The following GRM7 variants were observed in gnomAD, a reference collection of about 807,000 sequenced individuals.
The protein encoded by GRM7 is metabotropic glutamate receptor 7.
Under a neutral mutation model 84.5 loss-of-function variants are expected in GRM7, and 35 were observed. The ratio of observed to expected loss-of-function variants is 0.41; its 90% CI spans 0.32 to 0.55. The LOEUF is 0.55. Among genes scored for constraint, GRM7 ranks in the 20% least tolerant of loss-of-function variants. The probability of loss-of-function intolerance (pLI) is 0.19; values close to 1 mark genes in which losing one functional copy is unlikely to be tolerated. For missense variants in GRM7, 1,003 were observed against 1,194.6 expected (o/e 0.84, Z 2.36); for synonymous variants, 487 against 455.1 (o/e 1.07, Z -0.89).
At chr3:6,929,931 A>G (rs1394631227) in intron 1 of GRM7, among the ~76,000 whole-genome samples, 1 of 152,186 alleles carries the variant, frequency 6.6e-6, no homozygotes, top group Non-Finnish European at 1.5e-5. Flanking sequence ...TCAATACCTC[A>G]TACAAATTTT....
At chr3:7,282,048 A>T (rs1182781623) in intron 2 of GRM7, among the ~76,000 whole-genome samples, 1 of 152,126 alleles carries the variant, frequency 6.6e-6, no homozygotes, top group African/African-American at 2.4e-5. Flanking sequence ...GCGCCACTGC[A>T]CTCCAGCCTG....
At chr3:7,737,497 T>C (rs1402474992) in intron 9 of GRM7, among the ~76,000 whole-genome samples, 1 of 152,194 alleles carries the variant, frequency 6.6e-6, no homozygotes, top group Non-Finnish European at 1.5e-5. Context: ...GTAATTTTCT[T>C]TCCTGACCAT....
intron 5 of GRM7, among the ~76,000 whole-genome samples, chr3:7,442,948 C>T (rs181646168): frequency 2.6e-5 from 4 of 152,076 alleles, no homozygotes; most frequent in Admixed American, 2.6e-4. Flanking sequence ...ACTTCATCTC[C>T]TCTCTTGCCT....
intron 2 of GRM7, among the ~76,000 whole-genome samples, chr3:7,258,184 C>T (rs1468330347): frequency 6.6e-6 from 1 of 152,086 alleles, no homozygotes; most frequent in Non-Finnish European, 1.5e-5. Flanking sequence ...AAATTTAAAC[C>T]TTATTTTCTC....
In GRM7 at chr3:7,531,955, C is replaced by G. The variant is rs376941764; in HGVS notation, c.1516-46467C>G. 5.1e-4 allele frequency among the ~76,000 whole-genome samples: 78 copies of G among 152,192 alleles called. 2 individuals are homozygous for G. In the South Asian group the frequency reaches 0.012, roughly 23 times the overall value. ...GTCCATGGGTTTGTCATAAATAGCT[C>G]TTATTATTTTGAGATACATTCCATC... On this transcript the variant is annotated intron_variant, in intron 7 of 9. Coordinates refer to ENST00000357716, the MANE Select transcript of GRM7 (RefSeq NM_000844.4).
intron 4 of GRM7, among the ~76,000 whole-genome samples, chr3:7,360,141 G>C (rs201799885): frequency 0.023 from 995 of 43,026 alleles, 115 homozygotes; most frequent in African/African-American, 0.084. Context: ...TTCCCTCTGT[G>C]TGTGTGTGTG....
Position 7,135,731 on chromosome 3 carries a change from A to G in GRM7, c.520-10721A>G, listed in dbSNP as rs182512448. 1.8e-3 allele frequency among the ~76,000 whole-genome samples: 280 copies of G among 152,262 alleles called. 1 individual carries two copies. The highest frequency in any genetic ancestry group is 3.2e-3 in the Non-Finnish European group (218 of 68,016). On this transcript the variant is annotated intron_variant, in intron 1 of 9. Coordinates refer to ENST00000357716, the MANE Select transcript of GRM7 (RefSeq NM_000844.4). ...AAGAATGTAATATAGAGAAAAAAAT[A>G]TAATATACAGAGGAATAATACAAAA...
chr3:7,414,907 C>A, intron 4 of GRM7, 116 bp from the exon 5 acceptor site: 2 of 673,506 alleles, frequency 3.0e-6, no homozygotes, highest in East Asian at 3.1e-5. Context: ...TTTCGGTCGA[C>A]ACACAAGAGG....
rs137991087 is a variant in GRM7 at position 7,130,227 on chromosome 3, C to T, written c.520-16225C>T. On this transcript the variant is annotated intron_variant, in intron 1 of 9. Transcript: ENST00000357716. ...AGAGAACACAATTCCCAAGTCCAGT[C>T]GAGATTTACCTTTAATAAGAATTCA... 4.5e-3 allele frequency among the ~76,000 whole-genome samples: 679 copies of T among 152,204 alleles called. 6 individuals are homozygous for T. The highest frequency in any genetic ancestry group is 0.016 in the African/African-American group (650 of 41,526).
chr3:7,346,091 A>T (rs960763017), intron 4 of GRM7, among the ~76,000 whole-genome samples: 2 of 152,052 alleles, frequency 1.3e-5, no homozygotes, highest in Admixed American at 1.3e-4. Context: ...TGTGGTAAAT[A>T]CTCTTATTGT....
intron 3 of GRM7, among the ~76,000 whole-genome samples, chr3:7,303,255 A>G (rs191156633): frequency 2.0e-5 from 3 of 152,158 alleles, no homozygotes; most frequent in African/African-American, 4.8e-5. Flanking sequence ...TTCTATTTTT[A>G]TGAAAATAAT....
At chr3:7,513,899 C>T (rs1300357045) in intron 7 of GRM7, among the ~76,000 whole-genome samples, 2 of 152,200 alleles carry the variant, frequency 1.3e-5, no homozygotes, top group African/African-American at 4.8e-5. Context: ...TCTGTCCTAG[C>T]TATAGCTATT....
chr3:7,645,132 G>A (rs1479818888), intron 8 of GRM7, among the ~76,000 whole-genome samples: 1 of 152,064 alleles, frequency 6.6e-6, no homozygotes, highest in Non-Finnish European at 1.5e-5. Context: ...CACCAGACAG[G>A]AGGAATAACT....
At position 6,861,469 on chromosome 3, in the gene GRM7, G is replaced by T; in HGVS notation, c.81G>T (p.Ala27=). Residue 27 remains alanine, a synonymous_variant, in exon 1 of 10, where the codon GCG becomes GCT. Coordinates refer to ENST00000357716, the MANE Select transcript of GRM7 (RefSeq NM_000844.4). This position sits in a 1 kb window ranked among gnomAD's most constrained non-coding sequence, Gnocchi z 6.4. The part of the protein sequence containing the change: ...PCCVLEVLLC[A]LAAAARGQEM... ...GCGTGCTGGAGGTGCTCCTGTGCGC[G>T]CTGGCGGCGGCGGCGCGCGGCCAGG... 5 of 1,590,574 alleles carry T rather than the reference G, an allele frequency of 3.1e-6. No individual in the cohort carries two copies. Among genetic ancestry groups the T allele is most frequent in the Non-Finnish European group, 4.3e-6 (5 of 1,171,502 alleles).
At chr3:7,653,302 T>C (rs1191188572) in intron 8 of GRM7, among the ~76,000 whole-genome samples, 1 of 151,260 alleles carries the variant, frequency 6.6e-6, no homozygotes, top group Non-Finnish European at 1.5e-5. Context: ...ATTATTAATT[T>C]TTTAAAAGCC....
intron 7 of GRM7, among the ~76,000 whole-genome samples, chr3:7,512,863 T>C (rs1700258330): frequency 1.3e-5 from 2 of 152,146 alleles, no homozygotes; most frequent in Non-Finnish European, 2.9e-5. Flanking sequence ...CAGTCTGGAC[T>C]CTGATGGTGT....
chr3:7,580,981 A>C (rs1695221385), intron 8 of GRM7, among the ~76,000 whole-genome samples: 1 of 152,162 alleles, frequency 6.6e-6, no homozygotes, highest in Non-Finnish European at 1.5e-5. Context: ...CTATGGAGAT[A>C]ATAATTATTT....
At chr3:6,910,313 T>A (rs1295938676) in intron 1 of GRM7, among the ~76,000 whole-genome samples, 1 of 152,144 alleles carries the variant, frequency 6.6e-6, no homozygotes, top group Non-Finnish European at 1.5e-5. Flanking sequence ...TGGTATGACT[T>A]AATAAATGTT....
chr3:7,089,135 A>G (rs1397554356), intron 1 of GRM7, among the ~76,000 whole-genome samples: 1 of 152,108 alleles, frequency 6.6e-6, no homozygotes, highest in South Asian at 2.1e-4. Flanking sequence ...TTCCAACTTT[A>G]TTGGGTAGAG....
Sources: allele counts gnomAD v4.1 joint callset (sites outside exome capture counted in the v4.1 genomes callset), GRCh38; gene constraint gnomAD v4.1.1; non-coding constraint Gnocchi (gnomAD v3.1); transcripts MANE v1.5; gene names NCBI Gene and HGNC (gene_info 2026-07-23, HGNC 2026-07-21).